Variants in ARHGAP18 observed in about 807,000 individuals in gnomAD.
ARHGAP18 encodes the protein Rho GTPase activating protein 18, also known as rho GTPase-activating protein 18.
Under a neutral mutation model 86.2 loss-of-function variants are expected in ARHGAP18, and 67 were observed. That is an observed-to-expected ratio of 0.78 (90% CI 0.64 to 0.95). ARHGAP18 has a LOEUF of 0.95. ARHGAP18 is among the 40% of genes least tolerant of loss of function. The pLI, the probability that ARHGAP18 is intolerant of heterozygous loss-of-function variation, is 0.00. For synonymous variants in ARHGAP18, 283 were observed against 280.4 expected, an observed-to-expected ratio of 1.01 and a Z score of -0.09; for missense variants, 691 against 780.4, an observed-to-expected ratio of 0.89 and a Z score of 1.37.
intron 10 of ARHGAP18, among the ~76,000 whole-genome samples, chr6:129,602,154 T>C (rs1028339590): frequency 6.6e-6 from 1 of 152,302 alleles, no homozygotes; most frequent in Admixed American, 6.5e-5. Flanking sequence ...ACAGTAACTA[T>C]AACTGCACAG....
rs144120797 is a variant in ARHGAP18, at chr6:129,641,834, C to T, written c.298G>A (p.Val100Ile). The T allele has an allele frequency of 6.2e-7, 1 of 1,613,508 alleles. No individual in the cohort carries two copies. Among genetic ancestry groups the T allele is most frequent in the Non-Finnish European group, 8.5e-7 (1 of 1,179,820 alleles). Residue 100 changes from valine to isoleucine, a missense_variant, in exon 2 of 15, where the codon GTT (valine) becomes ATT (isoleucine). Transcript: ENST00000368149. ...TTATTACCATCAGGCTCTTTGACAA[C>T]AACCACCTCTTGATCTTCTTGGCTG... ...ENSQEDQEVV[V>I]VKEPDEGELE...
intron 1 of ARHGAP18, among the ~76,000 whole-genome samples, chr6:129,691,419 A>C (rs774686415): frequency 6.6e-6 from 1 of 152,220 alleles, no homozygotes; most frequent in Non-Finnish European, 1.5e-5. Flanking sequence ...AATTCTGTGC[A>C]CTTTAACATT....
intron 1 of ARHGAP18, among the ~76,000 whole-genome samples, chr6:129,668,738 G>A (rs778355894): frequency 1.3e-5 from 2 of 152,102 alleles, no homozygotes; most frequent in African/African-American, 2.4e-5. Context: ...ACACTGCAGT[G>A]AACGTCCTCC....
At position 129,638,436 on chromosome 6, in the gene ARHGAP18, G is replaced by A. The variant is rs1181668271; in HGVS notation, c.510C>T (p.Asp170=). The change falls in exon 3 of 15, where the codon GAC becomes GAT. Residue 170 remains aspartate (D), a synonymous_variant. Transcript: ENST00000368149. The part of the protein sequence containing the change: ...RKKNKQYQIP[D]VRDIFAQQRE... ...TCTGTTGAGCAAATATGTCTCTGAC[G>A]TCAGGAATCTGGTACTGTTTGTTTT... 20 of 1,614,010 alleles carry A rather than the reference G, an allele frequency of 1.2e-5. No individual in the cohort carries two copies. The highest frequency in any genetic ancestry group is 4.5e-5 in the East Asian group (2 of 44,904).
intron 1 of ARHGAP18, among the ~76,000 whole-genome samples, chr6:129,664,196 C>T (rs1364963360): frequency 6.6e-6 from 1 of 152,184 alleles, no homozygotes; most frequent in African/African-American, 2.4e-5. Flanking sequence ...TGATTGGCAT[C>T]TGAATTCTGC....
intron 3 of ARHGAP18, among the ~76,000 whole-genome samples, chr6:129,634,888 TAAA>T (rs5879956): frequency 6.8e-6 from 1 of 146,048 alleles, no homozygotes; most frequent in African/African-American, 2.5e-5. Context: ...TTCTTCAAGT[TAAA>T]AAAAAAAAAG....
At chr6:129,622,323 C>T (rs1055637313) in intron 5 of ARHGAP18, among the ~76,000 whole-genome samples, 4 of 152,096 alleles carry the variant, frequency 2.6e-5, no homozygotes, top group African/African-American at 7.2e-5. Flanking sequence ...AATGCTGAAC[C>T]AACCATATTT....
At chr6:129,692,538 C>G (rs1301398231) in intron 1 of ARHGAP18, among the ~76,000 whole-genome samples, 2 of 152,164 alleles carry the variant, frequency 1.3e-5, no homozygotes, top group African/African-American at 2.4e-5. Context: ...CAAAAACATA[C>G]AGACATCACC....
At chr6:129,634,236 A>T (rs1773283415) in intron 3 of ARHGAP18, 131 bp from the exon 4 acceptor site, 1 of 656,412 alleles carries the variant, frequency 1.5e-6, no homozygotes. Flanking sequence ...ACAGTGAAAA[A>T]GGGGCACTAA....
Position 129,600,815 on chromosome 6 carries a change from T to C in ARHGAP18, c.1399A>G (p.Asn467Asp), listed in dbSNP as rs1267694096. The C allele has an allele frequency of 6.2e-7, 1 of 1,613,102 alleles. No individual in the cohort carries two copies. Among genetic ancestry groups the C allele is most frequent in the East Asian group, 2.2e-5 (1 of 44,836 alleles). The change falls in exon 11 of 15, where the codon AAT (asparagine) becomes GAT (aspartate). Residue 467 changes from asparagine (N) to aspartate (D), a missense_variant. Transcript: ENST00000368149. Reference protein sequence around the residue: ...LLEFLQRVIDNKEKNKMTVMN... With the variant: ...LLEFLQRVIDDKEKNKMTVMN... ...ACTGTCATTTTATTTTTTTCTTTAT[T>C]ATCTATTACTCTTTGGAGAAATTCA...
rs374271246 is a variant in ARHGAP18 at position 129,661,746 on chromosome 6, C to G, written c.114-19728G>C. The stretch of plus-strand genomic sequence containing the variant: ...CAGCAAGGTGAGATTCATGTGATGT[C>G]TCTAAACTCTCCCTTGACAACACCA... On this transcript the variant is annotated intron_variant, in intron 1 of 14. Transcript: ENST00000368149. 7.5e-6 allele frequency: 3 copies of G among 397,642 alleles called. No individual in the cohort carries two copies. In the Admixed American group the frequency reaches 1.9e-4, roughly 26 times the overall value. 24.6% of individuals were successfully genotyped at this position (397,642 alleles called of 1,614,324 possible).
At chr6:129,621,374 G>GT (rs926956456) in intron 5 of ARHGAP18, among the ~76,000 whole-genome samples, 5 of 151,984 alleles carry the variant, frequency 3.3e-5, no homozygotes, top group South Asian at 2.1e-4. Context: ...TTCGTAATGT[G>GT]TTTTTTTTCC....
intron 10 of ARHGAP18, among the ~76,000 whole-genome samples, chr6:129,603,290 G>A (rs1470147248): frequency 2.6e-5 from 4 of 152,168 alleles, no homozygotes; most frequent in Non-Finnish European, 5.9e-5. Context: ...AATGGCTTCC[G>A]GTTCCATCCA....
chr6:129,668,608 G>A (rs2114525585), intron 1 of ARHGAP18, among the ~76,000 whole-genome samples: 1 of 151,978 alleles, frequency 6.6e-6, no homozygotes, highest in East Asian at 1.9e-4. Context: ...CTCCCTTCAA[G>A]TCCCCCACTA....
At chr6:129,664,837 G>A (rs777975007) in intron 1 of ARHGAP18, among the ~76,000 whole-genome samples, 1 of 152,126 alleles carries the variant, frequency 6.6e-6, no homozygotes, top group Non-Finnish European at 1.5e-5. Flanking sequence ...AAATTAGGTG[G>A]GTTAAGAGGA....
intron 7 of ARHGAP18, among the ~76,000 whole-genome samples, chr6:129,613,919 T>C (rs1022671319): frequency 1.3e-5 from 2 of 152,122 alleles, no homozygotes; most frequent in African/African-American, 2.4e-5. Context: ...TACATACTTA[T>C]GTGAATTGAA....
intron 12 of ARHGAP18, among the ~76,000 whole-genome samples, chr6:129,585,624 C>T (rs1310392152): frequency 6.6e-6 from 1 of 152,174 alleles, no homozygotes; most frequent in African/African-American, 2.4e-5. Context: ...GTGGGTGGTG[C>T]CCCACCTGCC....
chr6:129,624,401 G>T (rs1053744392), intron 5 of ARHGAP18, among the ~76,000 whole-genome samples: 1 of 151,888 alleles, frequency 6.6e-6, no homozygotes, highest in African/African-American at 2.4e-5. Flanking sequence ...ATGGTGGCAT[G>T]TGCCTGCAAT....
At chr6:129,606,676 A>G (rs936737445) in intron 9 of ARHGAP18, among the ~76,000 whole-genome samples, 9 of 152,324 alleles carry the variant, frequency 5.9e-5, no homozygotes, top group African/African-American at 1.9e-4. Context: ...AAGGTAATTT[A>G]TTCTATTTAA....
Sources: gnomAD v4.1 joint callset for allele counts (sites outside exome capture counted in the v4.1 genomes callset) on GRCh38, gnomAD v4.1.1 for gene constraint, MANE v1.5 for transcripts, NCBI Gene and HGNC (gene_info 2026-07-23, HGNC 2026-07-21) for gene names.